CACNA1C: variants seen among roughly 807,000 people sequenced by gnomAD.
CACNA1C encodes the protein calcium voltage-gated channel subunit alpha1 C.
Under a neutral mutation model 229.0 loss-of-function variants are expected in CACNA1C, and 30 were observed. That is an observed-to-expected ratio of 0.13 (90% confidence interval 0.10 to 0.18). The LOEUF is 0.18. Ranked by LOEUF, CACNA1C falls within the 10% of genes least tolerant of loss-of-function variation. The probability of loss-of-function intolerance (pLI) is 1.00; values close to 1 mark genes in which losing one functional copy is unlikely to be tolerated. For missense variants in CACNA1C, 1,658 were observed against 2,845.0 expected (o/e 0.58, Z 9.49); for synonymous variants, 1,114 against 1,132.5 (o/e 0.98, Z 0.33).
chr12:2,669,513 G>A (rs2096436652), intron 38 of CACNA1C, among the ~76,000 whole-genome samples: 1 of 152,200 alleles, frequency 6.6e-6, no homozygotes, highest in Non-Finnish European at 1.5e-5. Flanking sequence ...CTCATTCTGG[G>A]TGGTATCTTG....
intron 3 of CACNA1C, among the ~76,000 whole-genome samples, chr12:2,164,686 T>TG (rs2096116765): frequency 6.6e-6 from 1 of 152,216 alleles, no homozygotes; most frequent in Non-Finnish European, 1.5e-5. Context: ...AAGCAGAGAC[T>TG]GGGGAATCAG....
chr12:2,198,706 A>G (rs1034021611), intron 3 of CACNA1C, among the ~76,000 whole-genome samples: 2 of 152,100 alleles, frequency 1.3e-5, no homozygotes, highest in African/African-American at 2.4e-5. Flanking sequence ...AGGGAGAGAC[A>G]GGGGGTTCTG....
intron 3 of CACNA1C, among the ~76,000 whole-genome samples, chr12:2,443,793 C>T (rs996369481): frequency 8.5e-5 from 13 of 152,218 alleles, no homozygotes; most frequent in Admixed American, 6.5e-4. Context: ...CATTCATACT[C>T]GCCCTTAGAT....
intron 1 of CACNA1C, among the ~76,000 whole-genome samples, chr12:2,077,671 T>G (rs957150629): frequency 1.3e-5 from 2 of 151,826 alleles, no homozygotes; most frequent in African/African-American, 4.8e-5. Flanking sequence ...GAGGCAAGAG[T>G]TACGGCCTCA....
chr12:2,687,767 G>A (rs779136498), intron 45 of CACNA1C, among the ~76,000 whole-genome samples: 3 of 152,158 alleles, frequency 2.0e-5, no homozygotes, highest in Non-Finnish European at 4.4e-5. Context: ...TTGAACTCCC[G>A]ACCTCAGGTG....
intron 1 of CACNA1C, among the ~76,000 whole-genome samples, chr12:2,101,660 C>A (rs1013766496): frequency 1.3e-5 from 2 of 152,148 alleles, no homozygotes; most frequent in Non-Finnish European, 2.9e-5. Flanking sequence ...AGGTGGAGTG[C>A]GAGCAGGTCC....
chr12:2,660,057 GGGTGAAGA>G (rs1327772858), intron 34 of CACNA1C: 1 of 160,184 alleles, frequency 6.2e-6, no homozygotes, highest in Non-Finnish European at 1.4e-5. Flanking sequence ...GTGCCACTCT[GGGTGAAGA>G]ATGGAAGGCT....
chr12:2,248,300 G>T (rs762205777), intron 3 of CACNA1C, among the ~76,000 whole-genome samples: 10 of 152,226 alleles, frequency 6.6e-5, no homozygotes, highest in Non-Finnish European at 1.3e-4. Flanking sequence ...AAGGGGAGGA[G>T]GAGATGAGTC....
chr12:2,422,867 G>C (rs898675304), intron 3 of CACNA1C, among the ~76,000 whole-genome samples: 2 of 152,150 alleles, frequency 1.3e-5, no homozygotes, highest in East Asian at 3.9e-4. Context: ...ACTCCCTGCC[G>C]GCACAGAACA....
At chr12:2,247,967 C>T (rs1326896025) in intron 3 of CACNA1C, among the ~76,000 whole-genome samples, 2 of 152,156 alleles carry the variant, frequency 1.3e-5, no homozygotes, top group Non-Finnish European at 2.9e-5. Flanking sequence ...CTCTTCTCTC[C>T]CATTCTCAAA....
intron 3 of CACNA1C, among the ~76,000 whole-genome samples, chr12:2,164,068 T>C (rs558467242): frequency 1.6e-4 from 25 of 152,342 alleles, no homozygotes; most frequent in African/African-American, 5.8e-4. Flanking sequence ...TCCCCTCCTC[T>C]ATCTAAACCC....
intron 11 of CACNA1C, among the ~76,000 whole-genome samples, chr12:2,558,131 A>G (rs2045492024): frequency 1.3e-5 from 2 of 152,218 alleles, no homozygotes; most frequent in South Asian, 2.1e-4. Context: ...TTTGTCTCTC[A>G]GATTGCCTCT....
chr12:2,090,016 G>C (rs1372393691), intron 1 of CACNA1C, among the ~76,000 whole-genome samples: 1 of 152,070 alleles, frequency 6.6e-6, no homozygotes, highest in East Asian at 1.9e-4. Flanking sequence ...GTGACAGTGT[G>C]AGACTCCGTC....
intron 1 of CACNA1C, among the ~76,000 whole-genome samples, chr12:1,972,405 T>C (rs759430721): frequency 7.9e-5 from 12 of 152,218 alleles, no homozygotes; most frequent in African/African-American, 1.4e-4. Context: ...TCTGACCACA[T>C]TGATGATGAC....
At chr12:2,437,929 G>A (rs1246396825) in intron 3 of CACNA1C, among the ~76,000 whole-genome samples, 1 of 151,290 alleles carries the variant, frequency 6.6e-6, no homozygotes, top group Non-Finnish European at 1.5e-5. Context: ...TGGTAGTGGT[G>A]GTGGCAGTGG....
chr12:2,583,042 G>T (rs917217251), intron 15 of CACNA1C, 100 bp downstream of exon 15: 16 of 817,612 alleles, frequency 2.0e-5, no homozygotes, highest in Non-Finnish European at 3.0e-5. Flanking sequence ...GGTCCTGCTC[G>T]GGCTCACACC....
chr12:2,174,164 G>A (rs1050477257), intron 3 of CACNA1C, among the ~76,000 whole-genome samples: 14 of 152,142 alleles, frequency 9.2e-5, no homozygotes, highest in African/African-American at 3.4e-4. Flanking sequence ...AAGGGAAGTG[G>A]TATCCCAGAT....
chr12:2,514,813 G>T lies in CACNA1C; in HGVS notation c.1390+1829G>T, dbSNP rs182764310. On this transcript the variant is annotated intron_variant, in intron 9 of 46. Transcript: ENST00000399655. ...CTCCGCCTAAAACAGGAGCTTCCAA[G>T]GGAGAGTGTGCTGCTTCTCCATCTA... Among the ~76,000 whole-genome samples, 16 of 151,906 alleles carry T rather than the reference G, an allele frequency of 1.1e-4. No individual in the cohort carries two copies. In the East Asian group the frequency reaches 2.3e-3, roughly 22 times the overall value.
intron 1 of CACNA1C, among the ~76,000 whole-genome samples, chr12:2,032,343 T>C (rs765296538): frequency 7.2e-5 from 11 of 152,106 alleles, no homozygotes; most frequent in Non-Finnish European, 1.6e-4. Context: ...ATTTTGGGTG[T>C]ACCCTAGGGG....
Sources: gnomAD v4.1 joint callset for allele counts (sites outside exome capture counted in the v4.1 genomes callset) on GRCh38, gnomAD v4.1.1 for gene constraint, MANE v1.5 for transcripts, NCBI Gene and HGNC (gene_info 2026-07-23, HGNC 2026-07-21) for gene names.